The following PAPPA variants were observed in gnomAD, a reference collection of about 807,000 sequenced individuals.
The protein encoded by PAPPA is pappalysin-1.
A neutral mutation model predicts 164.0 loss-of-function variants in PAPPA; 60 were observed. That is an observed-to-expected ratio of 0.37 (90% CI 0.30 to 0.45). PAPPA has a LOEUF of 0.45. Ranked by LOEUF, PAPPA falls within the 20% of genes least tolerant of loss-of-function variation. PAPPA has a pLI of 1.00. For missense variants in PAPPA, 1,782 were observed against 2,087.3 expected (o/e 0.85, Z 2.85); for synonymous variants, 875 against 814.1 (o/e 1.07, Z -1.27).
chr9:116,314,058 A>ATT (rs1845756003), intron 10 of PAPPA, among the ~76,000 whole-genome samples: 7 of 109,904 alleles, frequency 6.4e-5, no homozygotes, highest in East Asian at 2.5e-4. Context: ...ATTGCATCGA[A>ATT]TCTTTTTTTT....
At chr9:116,288,356 G>A (rs908721572) in intron 9 of PAPPA, among the ~76,000 whole-genome samples, 4 of 152,164 alleles carry the variant, frequency 2.6e-5, no homozygotes, top group East Asian at 3.9e-4. Flanking sequence ...GTGACAGAGC[G>A]CACTCAAGCC....
intron 8 of PAPPA, among the ~76,000 whole-genome samples, chr9:116,267,352 T>A (rs952881568): frequency 4.6e-5 from 7 of 152,242 alleles, no homozygotes; most frequent in Non-Finnish European, 1.5e-5. Context: ...TAAATACTCA[T>A]CCACATAGAC....
At chr9:116,289,406 A>G (rs1435456197) in intron 9 of PAPPA, among the ~76,000 whole-genome samples, 2 of 146,986 alleles carry the variant, frequency 1.4e-5, no homozygotes, top group East Asian at 2.0e-4. Context: ...CTATATATAT[A>G]TAGCATATAT....
intron 1 of PAPPA, among the ~76,000 whole-genome samples, chr9:116,175,078 T>C (rs1477488180): frequency 6.6e-6 from 1 of 152,188 alleles, no homozygotes; most frequent in African/African-American, 2.4e-5. Flanking sequence ...AGTTGTATTT[T>C]CCTAACTCCC....
chr9:116,179,213 T>TA, intron 1 of PAPPA, among the ~76,000 whole-genome samples: 1 of 152,244 alleles, frequency 6.6e-6, no homozygotes, highest in East Asian at 1.9e-4. Flanking sequence ...ACACAGCTAG[T>TA]AAAAAAGGTG....
rs1845598075 is a variant in PAPPA, at chr9:116,302,959, C to T, written c.3147+9C>T. 7 of 1,611,424 alleles carry T rather than the reference C, an allele frequency of 4.3e-6. No individual in the cohort carries two copies. The highest frequency in any genetic ancestry group is 5.9e-6 in the Non-Finnish European group (7 of 1,178,642). Reference sequence around the variant, plus strand: ...AGCCAGCAGCATCCCAGGTAAGATCCTAACCATGTGTGGCATTTCCTGCAG... The same window carrying T: ...AGCCAGCAGCATCCCAGGTAAGATCTTAACCATGTGTGGCATTTCCTGCAG... On this transcript the variant is annotated intron_variant, in intron 10 of 21. Coordinates refer to ENST00000328252, the MANE Select transcript of PAPPA (RefSeq NM_002581.5).
chr9:116,384,336 C>T (rs964860687), intron 21 of PAPPA, among the ~76,000 whole-genome samples: 74 of 150,802 alleles, frequency 4.9e-4, no homozygotes, highest in Non-Finnish European at 6.6e-4. Flanking sequence ...GGTCTGTAGT[C>T]CCAGCTACTT....
chr9:116,353,820 T>C lies in PAPPA; in HGVS notation c.4347+27T>C, dbSNP rs370861121. ...TAAGCCTCCTGGAACTTGAGATTGA[T>C]ACCATGGTCCCTTTCCTTTCTGCTT... On this transcript the variant is annotated intron_variant, in intron 17 of 21. Coordinates refer to ENST00000328252, the MANE Select transcript of PAPPA (RefSeq NM_002581.5). The C allele has an allele frequency of 8.3e-5, 132 of 1,582,308 alleles. 1 individual carries two copies. The highest frequency in any genetic ancestry group is 6.5e-4 in the East Asian group (29 of 44,464).
At chr9:116,228,724 G>T (rs1044106405) in intron 6 of PAPPA, among the ~76,000 whole-genome samples, 5 of 152,298 alleles carry the variant, frequency 3.3e-5, no homozygotes, top group African/African-American at 1.2e-4. Flanking sequence ...ACCTGAGAGG[G>T]ATGCCTGGGG....
chr9:116,334,635 A>G (rs570985520), intron 12 of PAPPA, among the ~76,000 whole-genome samples: 52 of 151,550 alleles, frequency 3.4e-4, no homozygotes, highest in African/African-American at 1.1e-3. Context: ...GTGAAGGGGA[A>G]GCTTAGGGGG....
At chr9:116,182,535 G>A (rs746707393) in intron 1 of PAPPA, among the ~76,000 whole-genome samples, 1 of 152,112 alleles carries the variant, frequency 6.6e-6, no homozygotes, top group Non-Finnish European at 1.5e-5. Context: ...CTTGTCTTGG[G>A]GTAATATTTA....
chr9:116,210,922 A>G (rs1247268244), intron 3 of PAPPA, among the ~76,000 whole-genome samples: 1 of 152,204 alleles, frequency 6.6e-6, no homozygotes, highest in African/African-American at 2.4e-5. Flanking sequence ...AAACCTCACA[A>G]ACTTCTTTAG....
At chr9:116,207,366 CT>C (rs1844248606) in intron 2 of PAPPA, 89 bp from the exon 3 acceptor site, 1 of 1,034,054 alleles carries the variant, frequency 9.7e-7, no homozygotes, top group African/African-American at 1.6e-5. Flanking sequence ...AGCAAAATGC[CT>C]GGCACTCATA....
chr9:116,376,179 C>A (rs1198973043), intron 19 of PAPPA, among the ~76,000 whole-genome samples: 1 of 152,092 alleles, frequency 6.6e-6, no homozygotes, highest in Non-Finnish European at 1.5e-5. Context: ...TGCCACCACA[C>A]CCAGCTAATT....
At chr9:116,327,092 A>T (rs568750656) in intron 10 of PAPPA, among the ~76,000 whole-genome samples, 1 of 152,138 alleles carries the variant, frequency 6.6e-6, no homozygotes, top group Non-Finnish European at 1.5e-5. Context: ...ATCTCTCCTT[A>T]TCTCCTTTTC....
chr9:116,283,315 G>A (rs528953530), intron 9 of PAPPA, among the ~76,000 whole-genome samples: 3 of 152,296 alleles, frequency 2.0e-5, no homozygotes, highest in South Asian at 2.1e-4. Context: ...AGCCTCTGGT[G>A]CAGGGGTTGG....
At chr9:116,295,442 T>C (rs1045506443) in intron 9 of PAPPA, among the ~76,000 whole-genome samples, 1 of 150,404 alleles carries the variant, frequency 6.6e-6, no homozygotes, top group Admixed American at 6.7e-5. Context: ...TAATCCCAGC[T>C]ACTCAGGAGG....
intron 5 of PAPPA, among the ~76,000 whole-genome samples, chr9:116,226,304 G>A (rs555211606): frequency 1.3e-5 from 2 of 152,282 alleles, no homozygotes; most frequent in South Asian, 2.1e-4. Context: ...TGTGGAGGAG[G>A]AACGGGGAGA....
Position 116,347,110 on chromosome 9 carries a change from G to C in PAPPA, c.3865G>C (p.Asp1289His). Residue 1289 changes from aspartate to histidine, a missense_variant, in exon 15 of 22, where the codon GAT becomes CAT. Asp to His is a moderately conservative substitution (Grantham distance 81, BLOSUM62 -1). Transcript: ENST00000328252. This position sits in a 1 kb window ranked among gnomAD's most constrained non-coding sequence, Gnocchi z 4.5. Reference protein sequence around the residue: ...ACEPVDCSIPDHHQVYAASFS... With the variant: ...ACEPVDCSIPHHHQVYAASFS... ...TGAGCCAGTCGACTGCAGCATCCCA[G>C]ATCACCATCAAGTCTATGCTGCCTC... 6.2e-7 allele frequency: 1 copy of C among 1,614,156 alleles called. No individual in the cohort carries two copies. The highest frequency in any genetic ancestry group is 1.1e-5 in the South Asian group (1 of 91,076).
Sources: gnomAD v4.1 joint callset for allele counts (sites outside exome capture counted in the v4.1 genomes callset) on GRCh38, gnomAD v4.1.1 for gene constraint, Gnocchi (gnomAD v3.1) non-coding constraint, MANE v1.5 for transcripts, NCBI Gene and HGNC (gene_info 2026-07-23, HGNC 2026-07-21) for gene names.